TUSC3: variants seen among roughly 807,000 people sequenced by gnomAD.
The protein encoded by TUSC3 is dolichyl-diphosphooligosaccharide--protein glycosyltransferase subunit TUSC3.
Under a neutral mutation model 44.8 loss-of-function variants are expected in TUSC3, and 45 were observed. The observed-to-expected ratio is 1.00, with a 90% CI of 0.79 to 1.29. The LOEUF is 1.29. Among genes scored for constraint, TUSC3 ranks in the 50% most tolerant of loss-of-function variants. The probability of loss-of-function intolerance (pLI) is 0.00; values close to 1 mark genes in which losing one functional copy is unlikely to be tolerated. For missense variants in TUSC3, 519 were observed against 437.9 expected, an observed-to-expected ratio of 1.19 and a Z score of -1.65; for synonymous variants, 212 against 152.9, an observed-to-expected ratio of 1.39 and a Z score of -2.85.
intron 2 of TUSC3, among the ~76,000 whole-genome samples, chr8:15,633,277 C>T (rs1805904777): frequency 6.6e-6 from 1 of 152,086 alleles, no homozygotes. Context: ...AAGAAGTCGT[C>T]TAGGGTAGTT....
chr8:15,694,330 C>A (rs1239416382), intron 6 of TUSC3, among the ~76,000 whole-genome samples: 1 of 151,234 alleles, frequency 6.6e-6, no homozygotes, highest in African/African-American at 2.4e-5. Flanking sequence ...TAATCCCAGC[C>A]ACTCAGGAGT....
At chr8:15,663,030 A>G (rs1418474489) in intron 5 of TUSC3, among the ~76,000 whole-genome samples, 4 of 151,938 alleles carry the variant, frequency 2.6e-5, no homozygotes, top group Non-Finnish European at 4.4e-5. Flanking sequence ...AGGAGGGGAA[A>G]GAGATGACAG....
intron 9 of TUSC3, among the ~76,000 whole-genome samples, chr8:15,750,669 CATAGAT>C (rs1277561656): frequency 3.3e-5 from 5 of 151,916 alleles, no homozygotes; most frequent in Admixed American, 2.6e-4. Context: ...TTGGCCTCAC[CATAGAT>C]ATAAATAGTA....
chr8:15,597,158 G>C (rs1200093237), intron 1 of TUSC3, among the ~76,000 whole-genome samples: 1 of 151,950 alleles, frequency 6.6e-6, no homozygotes, highest in East Asian at 1.9e-4. Context: ...TCAGAATCAT[G>C]ACAGTAGAAA....
At chr8:15,778,546 T>C in the TUSC3 span, among the ~76,000 whole-genome samples, 1 of 152,100 alleles carries the variant, frequency 6.6e-6, no homozygotes, top group Non-Finnish European at 1.5e-5. Context: ...GAACACAATA[T>C]AAAAGCAGCC....
intron 1 of TUSC3, among the ~76,000 whole-genome samples, chr8:15,617,488 G>A (rs545113812): frequency 6.6e-6 from 1 of 152,110 alleles, no homozygotes; most frequent in African/African-American, 2.4e-5. Flanking sequence ...TCCAACTCCT[G>A]TCCAACGTCA....
chr8:15,536,681 C>CAAAAAAAAAAAAAAAAAA (rs570573410), upstream of TUSC3, among the ~76,000 whole-genome samples: 8 of 45,572 alleles, frequency 1.8e-4, 1 homozygote, highest in Non-Finnish European at 3.0e-4. Flanking sequence ...GATTCCGTCT[C>CAAAAAAAAAAAAAAAAAA]AAAAAAAAAA....
At position 15,584,167 on chromosome 8, in the gene TUSC3, C is replaced by T. The variant is rs527378046; in HGVS notation, c.139-38913C>T. On this transcript the variant is annotated intron_variant, in intron 1 of 10. Coordinates refer to ENST00000503731, the MANE Select transcript of TUSC3 (RefSeq NM_006765.4). Reference sequence around the variant, plus strand: ...TTTCCTTAAGATTCTTAATTGTCAACGTCATAAAAGTATTTTTATGGTTAA... The same window carrying T: ...TTTCCTTAAGATTCTTAATTGTCAATGTCATAAAAGTATTTTTATGGTTAA... 9.2e-5 allele frequency among the ~76,000 whole-genome samples: 14 copies of T among 152,234 alleles called. No homozygotes were observed. The East Asian group carries it at 1.2e-3, about 13-fold the overall frequency.
chr8:15,818,310 G>A, the TUSC3 span, among the ~76,000 whole-genome samples: 1 of 152,140 alleles, frequency 6.6e-6, no homozygotes, highest in African/African-American at 2.4e-5. Context: ...AACATTGTGG[G>A]ACTTCAATAG....
intron 7 of TUSC3, chr8:15,733,353 T>TG: frequency 2.5e-6 from 1 of 395,826 alleles, no homozygotes; most frequent in Admixed American, 3.4e-5. Context: ...TTCTTTTTGT[T>TG]TTTTTTTTTT....
intron 2 of TUSC3, among the ~76,000 whole-genome samples, chr8:15,483,884 C>T (rs954698136): frequency 6.6e-6 from 1 of 151,368 alleles, no homozygotes; most frequent in Non-Finnish European, 1.5e-5. Context: ...GTCTCGATCT[C>T]CTGACCTCGT....
chr8:15,441,140 C>A (rs367995252), intron 1 of TUSC3, among the ~76,000 whole-genome samples: 1 of 152,262 alleles, frequency 6.6e-6, no homozygotes, highest in Non-Finnish European at 1.5e-5. Flanking sequence ...GGCACAGTGG[C>A]TCACGCCTGT....
At chr8:15,723,241 GT>G (rs1245612804) in intron 6 of TUSC3, among the ~76,000 whole-genome samples, 1 of 152,144 alleles carries the variant, frequency 6.6e-6, no homozygotes, top group East Asian at 1.9e-4. Flanking sequence ...CGTGCAGTAA[GT>G]TCAGCAGAGA....
chr8:15,720,058 A>G (rs764796993), intron 6 of TUSC3, among the ~76,000 whole-genome samples: 6 of 152,124 alleles, frequency 3.9e-5, no homozygotes, highest in Non-Finnish European at 5.9e-5. Context: ...AGCTGGGACT[A>G]GAGGCACTTG....
chr8:15,809,672 G>A, the TUSC3 span, among the ~76,000 whole-genome samples: 2 of 152,220 alleles, frequency 1.3e-5, no homozygotes, highest in East Asian at 1.9e-4. Context: ...TATGAATGTA[G>A]TTTCTCTCTC....
chr8:15,792,054 G>C, the TUSC3 span, among the ~76,000 whole-genome samples: 74 of 151,956 alleles, frequency 4.9e-4, 1 homozygote, highest in Non-Finnish European at 1.5e-4. Flanking sequence ...TCATGGGTTG[G>C]ATGTCTGTTT....
chr8:15,775,109 T>C, the TUSC3 span, among the ~76,000 whole-genome samples: 1 of 152,194 alleles, frequency 6.6e-6, no homozygotes, highest in Non-Finnish European at 1.5e-5. Flanking sequence ...GATATATCCA[T>C]GCATTAGAAT....
chr8:15,549,118 G>A lies in TUSC3; in HGVS notation c.138+8550G>A, dbSNP rs144640081. On this transcript the variant is annotated intron_variant, in intron 1 of 10. Coordinates refer to ENST00000503731, the MANE Select transcript of TUSC3 (RefSeq NM_006765.4). ...GGTAGAAGAATAATTTATACCTCAG[G>A]TATATTTGCTGCATACAATGTGTTT... Among the ~76,000 whole-genome samples the A allele has an allele frequency of 3.3e-3, 502 of 151,838 alleles. 5 individuals are homozygous for A. The highest frequency in any genetic ancestry group is 0.011 in the African/African-American group (448 of 41,500).
intron 10 of TUSC3, among the ~76,000 whole-genome samples, chr8:15,759,615 G>C (rs1185736047): frequency 6.6e-6 from 1 of 152,024 alleles, no homozygotes; most frequent in Non-Finnish European, 1.5e-5. Flanking sequence ...CAAATCCAAA[G>C]TTCTCTTCAT....
Sources: allele counts gnomAD v4.1 joint callset (sites outside exome capture counted in the v4.1 genomes callset), GRCh38; gene constraint gnomAD v4.1.1; transcripts MANE v1.5; gene names NCBI Gene and HGNC (gene_info 2026-07-23, HGNC 2026-07-21).